Variants in KIRREL3 observed in about 807,000 individuals in gnomAD.
The protein encoded by KIRREL3 is kin of IRRE-like protein 3.
KIRREL3 carries 36 observed loss-of-function variants against 89.7 expected under a neutral mutation model. The ratio of observed to expected loss-of-function variants is 0.40; its 90% CI spans 0.31 to 0.53. The LOEUF is 0.53. KIRREL3 is among the 20% of genes least tolerant of loss of function. KIRREL3 has a pLI of 0.49. For missense variants in KIRREL3, 864 were observed against 1,056.6 expected, an observed-to-expected ratio of 0.82 and a Z score of 2.53; for synonymous variants, 445 against 441.4, an observed-to-expected ratio of 1.01 and a Z score of -0.10.
rs1216443187 is a variant in KIRREL3, at chr11:126,526,458, G to A, written c.283+80C>T. 1 of 1,366,480 alleles carries A rather than the reference G, an allele frequency of 7.3e-7. No homozygotes were observed. The highest frequency in any genetic ancestry group is 1.4e-5 in the African/African-American group (1 of 69,444). The allele number at this position is 1,366,480 out of a possible 1,614,324, so 84.6% of individuals were successfully genotyped here. On this transcript the variant is annotated intron_variant, in intron 3 of 16. Transcript: ENST00000525144. The surrounding 1 kb of genome is among the most constrained non-coding windows in gnomAD (Gnocchi z 5.7). ...TCGATACTCAGACACCTGTGAAGAT[G>A]GGTGCTCCCTAGGAAGGTGGATGGG...
chr11:126,934,580 A>T (rs1187357871), intron 1 of KIRREL3, among the ~76,000 whole-genome samples: 1 of 152,222 alleles, frequency 6.6e-6, no homozygotes, highest in African/African-American at 2.4e-5. Context: ...ACGTATAGGA[A>T]ACTCTTAAAA....
chr11:126,472,335 C>G (rs1956917855), intron 5 of KIRREL3, among the ~76,000 whole-genome samples: 1 of 152,138 alleles, frequency 6.6e-6, no homozygotes, highest in African/African-American at 2.4e-5. Context: ...CCGGGAAGTC[C>G]AAGATCAACG....
In KIRREL3 at chr11:126,900,323, CAG is replaced by C. The variant is rs1565398549; in HGVS notation, c.55+100130_55+100131del. Among the ~76,000 whole-genome samples the C allele has an allele frequency of 6.6e-6, 1 of 152,196 alleles. No homozygotes were observed. The highest frequency in any genetic ancestry group is 1.5e-5 in the Non-Finnish European group (1 of 68,036). On this transcript the variant is annotated intron_variant, in intron 1 of 16. Coordinates refer to ENST00000525144, the MANE Select transcript of KIRREL3 (RefSeq NM_032531.4). The surrounding 1 kb of genome is among the most constrained non-coding windows in gnomAD (Gnocchi z 4.4). ...GATTCAGATGGGGTTTAGAACTACT[CAG>C]AGTCTTCCTTGAGTGCAAGCAGTTC...
In KIRREL3 at chr11:126,523,883, C is replaced by T. The variant is rs958025003; in HGVS notation, c.284-2419G>A. Among the ~76,000 whole-genome samples, 2 of 152,208 alleles carry T rather than the reference C, an allele frequency of 1.3e-5. No individual in the cohort carries two copies. Among genetic ancestry groups the T allele is most frequent in the Non-Finnish European group, 2.9e-5 (2 of 68,040 alleles). ...AGCAGCAGGATTTTGCTCTCACGAG[C>T]TGCTGAAAACATCAGTGATGGGTTT... On this transcript the variant is annotated intron_variant, in intron 3 of 16. Coordinates refer to ENST00000525144, the MANE Select transcript of KIRREL3 (RefSeq NM_032531.4). This position sits in a 1 kb window ranked among gnomAD's most constrained non-coding sequence, Gnocchi z 4.9.
intron 1 of KIRREL3, among the ~76,000 whole-genome samples, chr11:126,599,314 T>C (rs1012824889): frequency 1.3e-5 from 2 of 152,212 alleles, no homozygotes; most frequent in Non-Finnish European, 2.9e-5. Context: ...TTGTCCCTGC[T>C]CGGTGTCTTG....
chr11:126,446,727 G>C, intron 9 of KIRREL3, 32 bp downstream of exon 9: 1 of 1,581,724 alleles, frequency 6.3e-7, no homozygotes, highest in Non-Finnish European at 8.6e-7. Flanking sequence ...CCCCCTGCCA[G>C]AGGTGCCCCG....
chr11:126,650,077 A>G (rs1944850387), intron 1 of KIRREL3, among the ~76,000 whole-genome samples: 1 of 152,194 alleles, frequency 6.6e-6, no homozygotes, highest in Non-Finnish European at 1.5e-5. Flanking sequence ...TGAGCTCTAC[A>G]TTGGCCCCTT....
intron 1 of KIRREL3, among the ~76,000 whole-genome samples, chr11:126,884,466 A>G (rs1945626303): frequency 6.6e-6 from 1 of 152,242 alleles, no homozygotes; most frequent in Admixed American, 6.5e-5. Flanking sequence ...CACAGAGAGA[A>G]TTGCAAATCT....
rs1446294766 is a variant in KIRREL3 at position 126,475,834 on chromosome 11, G to A, written c.434-2368C>T. On this transcript the variant is annotated intron_variant, in intron 4 of 16. Transcript: ENST00000525144. The surrounding 1 kb of genome is among the most constrained non-coding windows in gnomAD (Gnocchi z 7.5). ...GAGGGGAATTGCATCTCCACGCGGT[G>A]AGTGGGGGACTTGCAGCAGGAAGAG... Among the ~76,000 whole-genome samples the A allele has an allele frequency of 1.3e-5, 2 of 152,238 alleles. No homozygotes were observed. Among genetic ancestry groups the A allele is most frequent in the East Asian group, 3.9e-4 (2 of 5,194 alleles).
At chr11:126,690,513 C>A (rs574625453) in intron 1 of KIRREL3, among the ~76,000 whole-genome samples, 1 of 152,222 alleles carries the variant, frequency 6.6e-6, no homozygotes, top group South Asian at 2.1e-4. Flanking sequence ...TTACCTGGTT[C>A]TTTGGGGAAG....
intron 1 of KIRREL3, among the ~76,000 whole-genome samples, chr11:126,602,250 A>G (rs1026809518): frequency 9.2e-5 from 14 of 152,100 alleles, no homozygotes; most frequent in Non-Finnish European, 2.1e-4. Flanking sequence ...TCCAGCAGGG[A>G]GGCCACAGCC....
intron 1 of KIRREL3, among the ~76,000 whole-genome samples, chr11:126,777,959 A>G (rs1442441074): frequency 6.6e-6 from 1 of 151,948 alleles, no homozygotes; most frequent in Non-Finnish European, 1.5e-5. Flanking sequence ...GAAGGAGCAG[A>G]CTAGCCTGCT....
Position 126,585,866 on chromosome 11 carries a change from C to G in KIRREL3, c.56-22954G>C, listed in dbSNP as rs534667887. Among the ~76,000 whole-genome samples the G allele has an allele frequency of 6.6e-5, 10 of 152,348 alleles. No individual in the cohort carries two copies. In the South Asian group the frequency reaches 2.1e-3, roughly 32 times the overall value. On this transcript the variant is annotated intron_variant, in intron 1 of 16. Coordinates refer to ENST00000525144, the MANE Select transcript of KIRREL3 (RefSeq NM_032531.4). ...ATCTGTGTGTCTTAAAGCTCCCGCA[C>G]GGAACGTGATTGGAGTTGGGCTTCA...
Position 126,955,839 on chromosome 11 carries a change from G to A in KIRREL3, c.55+44616C>T, listed in dbSNP as rs184593710. On this transcript the variant is annotated intron_variant, in intron 1 of 16. Coordinates refer to ENST00000525144, the MANE Select transcript of KIRREL3 (RefSeq NM_032531.4). This position sits in a 1 kb window ranked among gnomAD's most constrained non-coding sequence, Gnocchi z 4.6. The stretch of plus-strand genomic sequence containing the variant: ...TGGCAGTGCTGGGTTCTTACTGCCC[G>A]TTTCCATTCTGATTGTATCTGTTTT... Among the ~76,000 whole-genome samples the A allele has an allele frequency of 5.9e-5, 9 of 152,240 alleles. No homozygotes were observed. Among genetic ancestry groups the A allele is most frequent in the African/African-American group, 1.2e-4 (5 of 41,550 alleles).
At chr11:126,927,236 ACACACACG>A (rs758850451) in intron 1 of KIRREL3, among the ~76,000 whole-genome samples, 34 of 152,312 alleles carry the variant, frequency 2.2e-4, no homozygotes, top group Non-Finnish European at 4.7e-4. Context: ...AAGCACACAC[ACACACACG>A]CACGCACGCA....
chr11:126,593,064 G>A (rs895464968), intron 1 of KIRREL3, among the ~76,000 whole-genome samples: 1 of 152,146 alleles, frequency 6.6e-6, no homozygotes, highest in South Asian at 2.1e-4. Context: ...CCCGTCAGCC[G>A]ACTTGCAGAT....
chr11:126,802,465 C>T lies in KIRREL3; in HGVS notation c.55+197990G>A, dbSNP rs551837112. Among the ~76,000 whole-genome samples the T allele has an allele frequency of 3.9e-5, 6 of 152,288 alleles. No homozygotes were observed. The highest frequency in any genetic ancestry group is 2.1e-4 in the South Asian group (1 of 4,818). On this transcript the variant is annotated intron_variant, in intron 1 of 16. Coordinates refer to ENST00000525144, the MANE Select transcript of KIRREL3 (RefSeq NM_032531.4). This position sits in a 1 kb window ranked among gnomAD's most constrained non-coding sequence, Gnocchi z 5.2. ...CCAGCTGGGTCCATAGTCTGTGTGG[C>T]GTCGTTCTTCTCATGTCTGCGTGGA...
chr11:126,445,767 G>A (rs138575328), intron 9 of KIRREL3, among the ~76,000 whole-genome samples: 1 of 152,292 alleles, frequency 6.6e-6, no homozygotes, highest in East Asian at 1.9e-4. Context: ...TGGTCCCCCT[G>A]CTTCCCTACC....
chr11:126,669,997 G>C lies in KIRREL3; in HGVS notation c.56-107085C>G, dbSNP rs1451803144. Among the ~76,000 whole-genome samples, 1 of 152,092 alleles carries C rather than the reference G, an allele frequency of 6.6e-6. No homozygotes were observed. Among genetic ancestry groups the C allele is most frequent in the Admixed American group, 6.5e-5 (1 of 15,274 alleles). The stretch of plus-strand genomic sequence containing the variant: ...TCAAGCTCATGCCTCAGTCTCCCCT[G>C]ACTCTTCCCATTCCTTCTCCCAGCA... On this transcript the variant is annotated intron_variant, in intron 1 of 16. Transcript: ENST00000525144. The surrounding 1 kb of genome is among the most constrained non-coding windows in gnomAD (Gnocchi z 5.0).
Sources: gnomAD v4.1 joint callset for allele counts (sites outside exome capture counted in the v4.1 genomes callset) on GRCh38, gnomAD v4.1.1 for gene constraint, Gnocchi (gnomAD v3.1) non-coding constraint, MANE v1.5 for transcripts, NCBI Gene and HGNC (gene_info 2026-07-23, HGNC 2026-07-21) for gene names.